Variants in PBK observed in about 807,000 individuals in gnomAD.
The protein encoded by PBK is PDZ binding kinase.
PBK carries 22 observed loss-of-function variants against 33.5 expected under a neutral mutation model. The observed-to-expected ratio is 0.66, with a 90% CI of 0.47 to 0.94. The LOEUF is 0.94. Among genes scored for constraint, PBK ranks in the 40% least tolerant of loss-of-function variants. The pLI is 0.00. For synonymous variants in PBK, 129 were observed against 123.8 expected, an observed-to-expected ratio of 1.04 and a Z score of -0.28; for missense variants, 376 against 383.4, an observed-to-expected ratio of 0.98 and a Z score of 0.16.
At chr8:27,821,543 A>G (rs926513725) in intron 5 of PBK, among the ~76,000 whole-genome samples, 6 of 152,184 alleles carry the variant, frequency 3.9e-5, no homozygotes, top group Non-Finnish European at 5.9e-5. Flanking sequence ...TACAGGCGTG[A>G]GCCACCACAC....
Position 27,810,846 on chromosome 8 carries a change from G to A in PBK, c.772+112C>T, listed in dbSNP as rs1210404599. ...TCTCATTTGTGTGAGATTAAACCTT[G>A]GTGGTACCAAATCAGTCATCAGTAC... On this transcript the variant is annotated intron_variant, in intron 7 of 7. Transcript: ENST00000301905. 5 of 726,210 alleles carry A rather than the reference G, an allele frequency of 6.9e-6. No individual in the cohort carries two copies. In the African/African-American group the frequency reaches 7.1e-5, roughly 10 times the overall value. The allele number at this position is 726,210 out of a possible 1,614,324, so 45.0% of individuals were successfully genotyped here. A position where few individuals can be genotyped will look rare whatever the true frequency, so the allele number is the denominator to read the frequency against.
chr8:27,835,418 A>G (rs1018918409), intron 1 of PBK, among the ~76,000 whole-genome samples: 1 of 152,138 alleles, frequency 6.6e-6, no homozygotes, highest in African/African-American at 2.4e-5. Context: ...AGGATAAACT[A>G]TTTAGCAGAG....
intron 6 of PBK, among the ~76,000 whole-genome samples, chr8:27,818,866 T>G (rs1444250989): frequency 4.6e-5 from 7 of 152,148 alleles, no homozygotes; most frequent in Non-Finnish European, 8.8e-5. Flanking sequence ...TACTGTTACT[T>G]TTTCCCCCAA....
chr8:27,820,824 A>ATTTT (rs71553893), intron 5 of PBK, 130 bp from the exon 6 acceptor site: 9,674 of 384,080 alleles, frequency 0.025, 162 homozygotes, highest in East Asian at 0.085. Flanking sequence ...GCGTTTCAAA[A>ATTTT]TTTTTTTTTT....
rs73570389 is a variant in PBK at position 27,818,799 on chromosome 8, T to C, written c.595+1766A>G. The stretch of plus-strand genomic sequence containing the variant: ...AATGATGGTTTCTAGCTTTGGTGTC[T>C]TCTTTAAAGTCCTCTCCACAGCCAA... On this transcript the variant is annotated intron_variant, in intron 6 of 7. Transcript: ENST00000301905. Among the ~76,000 whole-genome samples the C allele has an allele frequency of 3.1e-3, 478 of 152,278 alleles. 2 individuals are homozygous for C. Among genetic ancestry groups the C allele is most frequent in the African/African-American group, 9.3e-3 (388 of 41,564 alleles).
intron 3 of PBK, among the ~76,000 whole-genome samples, chr8:27,826,454 A>G (rs1414044112): frequency 6.6e-6 from 1 of 152,046 alleles, no homozygotes; most frequent in Non-Finnish European, 1.5e-5. Flanking sequence ...TTTGCAGGTT[A>G]TGGATAAAAG....
chr8:27,820,554 G>A lies in PBK; in HGVS notation c.595+11C>T, dbSNP rs201383815. 9.6e-5 allele frequency: 146 copies of A among 1,525,374 alleles called. 2 individuals are homozygous for A. The Middle Eastern group carries it at 2.6e-3, about 27-fold the overall frequency. 94.5% of individuals were successfully genotyped at this position (1,525,374 alleles called of 1,614,324 possible). Reference sequence around the variant, plus strand: ...AAAAACAAAATTTTAAAACTTAAGAGTACAACTTACCAGTCATATTTTCAT... The same window carrying A: ...AAAAACAAAATTTTAAAACTTAAGAATACAACTTACCAGTCATATTTTCAT... On this transcript the variant is annotated intron_variant, in intron 6 of 7. Transcript: ENST00000301905.
chr8:27,837,572 CCT>C (rs1298004106), intron 1 of PBK, 78 bp downstream of exon 1: 2 of 152,274 alleles, frequency 1.3e-5, no homozygotes, highest in African/African-American at 4.8e-5. Context: ...CAGATCCTCC[CCT>C]GTCACGAAAG....
intron 6 of PBK, among the ~76,000 whole-genome samples, chr8:27,815,375 A>C (rs1159686527): frequency 6.6e-6 from 1 of 152,226 alleles, no homozygotes; most frequent in Non-Finnish European, 1.5e-5. Flanking sequence ...GCAAGAAGGA[A>C]AGATGAGTGG....
intron 2 of PBK, among the ~76,000 whole-genome samples, chr8:27,831,449 G>C (rs1359213418): frequency 7.1e-6 from 1 of 140,396 alleles, no homozygotes; most frequent in Admixed American, 7.1e-5. Flanking sequence ...AATTGGGGGT[G>C]GGGGGAAGCA....
rs1805864313 is a variant in PBK at position 27,818,686 on chromosome 8, G to A, written c.595+1879C>T. Among the ~76,000 whole-genome samples the A allele has an allele frequency of 2.0e-5, 3 of 151,826 alleles. No individual in the cohort carries two copies. In the South Asian group the frequency reaches 6.2e-4, roughly 31 times the overall value. ...TTAAATATCTTATACATTTATCTCA[G>A]TTTCTAATGTCTTAAGCTCCCTGCC... On this transcript the variant is annotated intron_variant, in intron 6 of 7. Coordinates refer to ENST00000301905, the MANE Select transcript of PBK (RefSeq NM_018492.4).
In PBK at chr8:27,810,221, G is replaced by A. The variant is rs968885752; in HGVS notation, c.*84C>T. On this transcript the variant is annotated 3_prime_UTR_variant, in exon 8 of 8. Transcript: ENST00000301905. ...GGTCCTCAAATATGCCAATTTTAGA[G>A]TCTAATAACTACTGATAGTAACTAT... 3.3e-6 allele frequency: 3 copies of A among 904,028 alleles called. No homozygotes were observed. The African/African-American group carries it at 5.1e-5, about 15-fold the overall frequency. The allele number at this position is 904,028 out of a possible 1,614,324, so 56.0% of individuals were successfully genotyped here.
rs761173443 is a variant in PBK, at chr8:27,810,346, A to C, written c.928T>G (p.Ser310Ala). 3.5e-5 allele frequency: 57 copies of C among 1,613,182 alleles called. No homozygotes were observed. Among genetic ancestry groups the C allele is most frequent in the South Asian group, 2.5e-4 (23 of 91,046 alleles). The change falls in exon 8 of 8, where the codon TCT becomes GCT. Residue 310 changes from serine to alanine, a missense_variant. By Grantham distance (99) the Ser-to-Ala change is moderately conservative (BLOSUM62 1). Transcript: ENST00000301905. ...CTNEDPKDRP[S>A]AAHIVEALET... ...AGAGCTTCAACAATGTGTGCAGCAGAAGGACGATCTTTAGGGTCTTCATTA... is the reference window on the plus strand; with the variant it reads ...AGAGCTTCAACAATGTGTGCAGCAGCAGGACGATCTTTAGGGTCTTCATTA...
chr8:27,810,992 T>C lies in PBK; in HGVS notation c.738A>G (p.Pro246=). The C allele has an allele frequency of 6.2e-7, 1 of 1,610,386 alleles. No individual in the cohort carries two copies. The highest frequency in any genetic ancestry group is 8.5e-7 in the Non-Finnish European group (1 of 1,176,694). The change falls in exon 7 of 8, where the codon CCA becomes CCG. Residue 246 remains proline (P), a synonymous_variant. Transcript: ENST00000301905. ...TLWEMMTLSI[P]HINLSNDDDD... is the part of the protein sequence containing the mutation. ...CATCATCATTTGAAAGATTAATGTG[T>C]GGAATCGATAAAGTCATCATTTCCC...
intron 1 of PBK, among the ~76,000 whole-genome samples, chr8:27,836,180 T>G (rs1182408292): frequency 6.6e-6 from 1 of 152,038 alleles, no homozygotes; most frequent in Non-Finnish European, 1.5e-5. Context: ...CCCAAGCAAG[T>G]ATCTAGTGAA....
At position 27,809,694 on chromosome 8, in the gene PBK, G is replaced by A. The variant is rs1251294224; in HGVS notation, c.*611C>T. 1 of 152,092 alleles carries A rather than the reference G, an allele frequency of 6.6e-6. No homozygotes were observed. The highest frequency in any genetic ancestry group is 1.5e-5 in the Non-Finnish European group (1 of 68,000). 9.4% of individuals were successfully genotyped at this position (152,092 alleles called of 1,614,324 possible). A position where few individuals can be genotyped will look rare whatever the true frequency, so the allele number is the denominator to read the frequency against. Reference sequence around the variant, plus strand: ...TATTGTTTTTACACAGCTGGGAAATGCTTAAGGTACAAATTAATAAATTTT... The same window carrying A: ...TATTGTTTTTACACAGCTGGGAAATACTTAAGGTACAAATTAATAAATTTT... On this transcript the variant is annotated 3_prime_UTR_variant, in exon 8 of 8. Coordinates refer to ENST00000301905, the MANE Select transcript of PBK (RefSeq NM_018492.4).
chr8:27,815,166 G>A (rs1237407857), intron 6 of PBK, among the ~76,000 whole-genome samples: 1 of 151,924 alleles, frequency 6.6e-6, no homozygotes, highest in Non-Finnish European at 1.5e-5. Flanking sequence ...AGGAAAAGAG[G>A]ATGAAACTAA....
Position 27,810,166 on chromosome 8 carries a change from A to G in PBK, c.*139T>C, listed in dbSNP as rs1805642766. On this transcript the variant is annotated 3_prime_UTR_variant, in exon 8 of 8. Coordinates refer to ENST00000301905, the MANE Select transcript of PBK (RefSeq NM_018492.4). ...AATATAAGCATATTTCATATTAGAA[A>G]TAGTTATCCATATGTTAACAAGAAA... 1.6e-6 allele frequency: 1 copy of G among 630,310 alleles called. No homozygotes were observed. The highest frequency in any genetic ancestry group is 2.0e-5 in the South Asian group (1 of 51,264). 39.0% of individuals were successfully genotyped at this position (630,310 alleles called of 1,614,324 possible). A position where few individuals can be genotyped will look rare whatever the true frequency, so the allele number is the denominator to read the frequency against.
chr8:27,834,008 A>G (rs1243837972), intron 1 of PBK, among the ~76,000 whole-genome samples: 1 of 151,640 alleles, frequency 6.6e-6, no homozygotes, highest in Non-Finnish European at 1.5e-5. Flanking sequence ...AGACACATAA[A>G]GGCTACATAT....
Sources: gnomAD v4.1 joint callset for allele counts (sites outside exome capture counted in the v4.1 genomes callset) on GRCh38, gnomAD v4.1.1 for gene constraint, MANE v1.5 for transcripts, NCBI Gene and HGNC (gene_info 2026-07-23, HGNC 2026-07-21) for gene names.